The following AGPAT4 variants were observed in gnomAD, a reference collection of about 807,000 sequenced individuals.
The protein encoded by AGPAT4 is 1-acylglycerol-3-phosphate O-acyltransferase 4.
Under a neutral mutation model 48.0 loss-of-function variants are expected in AGPAT4, and 15 were observed. The observed-to-expected ratio is 0.31, with a 90% confidence interval of 0.21 to 0.48. The LOEUF (loss-of-function observed/expected upper bound fraction) is 0.48, where lower values mean the gene tolerates loss of function less well. Ranked by LOEUF, AGPAT4 falls within the 20% of genes least tolerant of loss-of-function variation. The pLI, the probability that AGPAT4 is intolerant of heterozygous loss-of-function variation, is 0.99. For synonymous variants in AGPAT4, 178 were observed against 198.7 expected, an observed-to-expected ratio of 0.90 and a Z score of 0.88; for missense variants, 314 against 482.5, an observed-to-expected ratio of 0.65 and a Z score of 3.27.
intron 4 of AGPAT4, 50 bp from the exon 5 acceptor site, chr6:161,153,549 C>T (rs1407302654): frequency 3.8e-6 from 6 of 1,595,178 alleles, no homozygotes; most frequent in Non-Finnish European, 5.1e-6. Context: ...TCACACACAG[C>T]CCTGGGGTCA....
In AGPAT4 at chr6:161,262,823, TAGG is replaced by T. The variant is rs1783140341; in HGVS notation, c.-90+11112_-90+11114del. 6.6e-6 allele frequency among the ~76,000 whole-genome samples: 1 copy of T among 152,052 alleles called. No individual in the cohort carries two copies. Among genetic ancestry groups the T allele is most frequent in the South Asian group, 2.1e-4 (1 of 4,820 alleles). On this transcript the variant is annotated intron_variant, in intron 1 of 8. Transcript: ENST00000320285. This position sits in a 1 kb window ranked among gnomAD's most constrained non-coding sequence, Gnocchi z 4.9. Reference sequence around the variant, plus strand: ...AGATAACTCCAGTGAAAAAAACCTCTAGGAGAACATGAGGATAACGTCATAAAC... The same window carrying T: ...AGATAACTCCAGTGAAAAAAACCTCTAGAACATGAGGATAACGTCATAAAC...
chr6:161,232,418 T>G lies in AGPAT4; in HGVS notation c.-89-116A>C. ...TGAGGTTAAACTCATGTGCGTTAGT[T>G]GATTTATCTTTATTTTGCAAACATT... On this transcript the variant is annotated intron_variant, in intron 1 of 8. Transcript: ENST00000320285. The surrounding 1 kb of genome is among the most constrained non-coding windows in gnomAD (Gnocchi z 6.8). The G allele has an allele frequency of 1.9e-6, 1 of 539,500 alleles. No individual in the cohort carries two copies. The highest frequency in any genetic ancestry group is 3.3e-6 in the Non-Finnish European group (1 of 304,196). 33.4% of individuals were successfully genotyped at this position (539,500 alleles called of 1,614,324 possible). A position where few individuals can be genotyped will look rare whatever the true frequency, so the allele number is the denominator to read the frequency against.
chr6:161,197,691 G>A lies in AGPAT4; in HGVS notation c.179-31274C>T, dbSNP rs1781108747. ...AGGAGCTCCTAGAAGGACTGGACAGGTGGAAGGGTGGGAGGCTAGAAGGAG... is the reference window on the plus strand; with the variant it reads ...AGGAGCTCCTAGAAGGACTGGACAGATGGAAGGGTGGGAGGCTAGAAGGAG... On this transcript the variant is annotated intron_variant, in intron 2 of 8. Coordinates refer to ENST00000320285, the MANE Select transcript of AGPAT4 (RefSeq NM_020133.3). The surrounding 1 kb of genome is among the most constrained non-coding windows in gnomAD (Gnocchi z 5.7). Among the ~76,000 whole-genome samples, 1 of 152,182 alleles carries A rather than the reference G, an allele frequency of 6.6e-6. No homozygotes were observed. Among genetic ancestry groups the A allele is most frequent in the Non-Finnish European group, 1.5e-5 (1 of 68,030 alleles).
rs1782527278 is a variant in AGPAT4, at chr6:161,242,721, GA to G, written c.-89-10420del. ...CAATATGATAAATCCAAACAGAAATGAAAAAAATTAATCTTCCAAACAGGGG... is the reference window on the plus strand; with the variant it reads ...CAATATGATAAATCCAAACAGAAATGAAAAAATTAATCTTCCAAACAGGGG... On this transcript the variant is annotated intron_variant, in intron 1 of 8. Transcript: ENST00000320285. The surrounding 1 kb of genome is among the most constrained non-coding windows in gnomAD (Gnocchi z 5.0). Among the ~76,000 whole-genome samples the G allele has an allele frequency of 2.0e-5, 3 of 152,018 alleles. No individual in the cohort carries two copies. The South Asian group carries it at 6.2e-4, about 32-fold the overall frequency.
chr6:161,229,765 G>A lies in AGPAT4; in HGVS notation c.178+2271C>T, dbSNP rs186510308. 6.1e-4 allele frequency among the ~76,000 whole-genome samples: 93 copies of A among 152,108 alleles called. No individual in the cohort carries two copies. Among genetic ancestry groups the A allele is most frequent in the East Asian group, 5.6e-3 (29 of 5,160 alleles). ...CTAGAGGGAGGAATCTTCCCTTCCC[G>A]CTTCGGATTGTTTAAAAATGCTTCC... On this transcript the variant is annotated intron_variant, in intron 2 of 8. Coordinates refer to ENST00000320285, the MANE Select transcript of AGPAT4 (RefSeq NM_020133.3). The surrounding 1 kb of genome is among the most constrained non-coding windows in gnomAD (Gnocchi z 6.0).
Position 161,208,210 on chromosome 6 carries a change from T to C in AGPAT4, c.178+23826A>G, listed in dbSNP as rs540553059. The stretch of plus-strand genomic sequence containing the variant: ...TATATATTTTACATTTCAGTCTCCT[T>C]TTTTATATGAACGTTAGCTACCAAG... On this transcript the variant is annotated intron_variant, in intron 2 of 8. Coordinates refer to ENST00000320285, the MANE Select transcript of AGPAT4 (RefSeq NM_020133.3). This position sits in a 1 kb window ranked among gnomAD's most constrained non-coding sequence, Gnocchi z 4.6. 2.0e-4 allele frequency among the ~76,000 whole-genome samples: 31 copies of C among 152,318 alleles called. No individual in the cohort carries two copies. The South Asian group carries it at 6.0e-3, about 30-fold the overall frequency.
At position 161,165,416 on chromosome 6, in the gene AGPAT4, G is replaced by A. The variant is rs1305683816; in HGVS notation, c.348+832C>T. Reference sequence around the variant, plus strand: ...AAACACCACGATTTTGTCTTCAGGGGCTACCAAAAAGCAAGGTGATTTCAG... The same window carrying A: ...AAACACCACGATTTTGTCTTCAGGGACTACCAAAAAGCAAGGTGATTTCAG... On this transcript the variant is annotated intron_variant, in intron 3 of 8. Transcript: ENST00000320285. This position sits in a 1 kb window ranked among gnomAD's most constrained non-coding sequence, Gnocchi z 5.5. Among the ~76,000 whole-genome samples the A allele has an allele frequency of 2.6e-5, 4 of 152,112 alleles. No homozygotes were observed. The highest frequency in any genetic ancestry group is 1.3e-4 in the Admixed American group (2 of 15,270).
rs997893732 is a variant in AGPAT4 at position 161,226,113 on chromosome 6, A to C, written c.178+5923T>G. On this transcript the variant is annotated intron_variant, in intron 2 of 8. Coordinates refer to ENST00000320285, the MANE Select transcript of AGPAT4 (RefSeq NM_020133.3). The surrounding 1 kb of genome is among the most constrained non-coding windows in gnomAD (Gnocchi z 6.3). ...TTTGGACCTTCAAAGAGGGGACCCA[A>C]ATTTGAGGCTGTGTCCTCCCAGCAG... Among the ~76,000 whole-genome samples, 10 of 152,122 alleles carry C rather than the reference A, an allele frequency of 6.6e-5. No homozygotes were observed. Among genetic ancestry groups the C allele is most frequent in the African/African-American group, 2.4e-4 (10 of 41,432 alleles).
At position 161,228,105 on chromosome 6, in the gene AGPAT4, C is replaced by G. The variant is rs570250387; in HGVS notation, c.178+3931G>C. Among the ~76,000 whole-genome samples the G allele has an allele frequency of 4.0e-3, 605 of 152,266 alleles. 4 individuals are homozygous for G. Among genetic ancestry groups the G allele is most frequent in the African/African-American group, 0.014 (582 of 41,538 alleles). On this transcript the variant is annotated intron_variant, in intron 2 of 8. Transcript: ENST00000320285. ...CTTCCTCCTCCCCTGGACACAAATTCCAATTTCAATCCTAAATTTGATGTG... is the reference window on the plus strand; with the variant it reads ...CTTCCTCCTCCCCTGGACACAAATTGCAATTTCAATCCTAAATTTGATGTG...
Position 161,184,263 on chromosome 6 carries a change from A to G in AGPAT4, c.179-17846T>C, listed in dbSNP as rs1264023566. Among the ~76,000 whole-genome samples the G allele has an allele frequency of 6.6e-6, 1 of 151,898 alleles. No individual in the cohort carries two copies. The highest frequency in any genetic ancestry group is 1.5e-5 in the Non-Finnish European group (1 of 67,966). The stretch of plus-strand genomic sequence containing the variant: ...GGCATAGTGGAAATGGTGAGAAATG[A>G]TCATATTTAGGATGATATATGCTAC... On this transcript the variant is annotated intron_variant, in intron 2 of 8. Transcript: ENST00000320285. The surrounding 1 kb of genome is among the most constrained non-coding windows in gnomAD (Gnocchi z 4.8).
At position 161,253,260 on chromosome 6, in the gene AGPAT4, AT is replaced by A. The variant is rs71004034; in HGVS notation, c.-90+20677del. ...ATATGATATGATCCAACTTTTTTTA[AT>A]TTTTTTTTTTTGAGACGGAGTCTTG... is the stretch of plus-strand genomic sequence containing the variant. On this transcript the variant is annotated intron_variant, in intron 1 of 8. Coordinates refer to ENST00000320285, the MANE Select transcript of AGPAT4 (RefSeq NM_020133.3). Among the ~76,000 whole-genome samples, 770 of 143,876 alleles carry A rather than the reference AT, an allele frequency of 5.4e-3. 5 individuals are homozygous for A. Among genetic ancestry groups the A allele is most frequent in the African/African-American group, 0.016 (622 of 38,954 alleles). 94.4% of individuals were successfully genotyped at this position (143,876 alleles called of 152,430 possible).
intron 2 of AGPAT4, among the ~76,000 whole-genome samples, chr6:161,185,725 G>A (rs886644625): frequency 3.3e-5 from 5 of 152,052 alleles, no homozygotes; most frequent in African/African-American, 7.2e-5. Context: ...TGATCATCAC[G>A]GCAGAGGCAT....
rs1173010558 is a variant in AGPAT4, at chr6:161,212,054, T to A, written c.178+19982A>T. 6.6e-6 allele frequency among the ~76,000 whole-genome samples: 1 copy of A among 152,216 alleles called. No individual in the cohort carries two copies. The highest frequency in any genetic ancestry group is 1.5e-5 in the Non-Finnish European group (1 of 68,036). ...TCATTAATGTTGAAGGGCACACTGA[T>A]GCAAGACTAGCATATGGGCCCCTGT... On this transcript the variant is annotated intron_variant, in intron 2 of 8. Transcript: ENST00000320285. This position sits in a 1 kb window ranked among gnomAD's most constrained non-coding sequence, Gnocchi z 6.1.
chr6:161,267,637 G>T lies in AGPAT4; in HGVS notation c.-90+6301C>A, dbSNP rs188839107. Among the ~76,000 whole-genome samples, 325 of 151,990 alleles carry T rather than the reference G, an allele frequency of 2.1e-3. 1 individual carries two copies. Among genetic ancestry groups the T allele is most frequent in the Admixed American group, 2.6e-3 (40 of 15,254 alleles). On this transcript the variant is annotated intron_variant, in intron 1 of 8. Coordinates refer to ENST00000320285, the MANE Select transcript of AGPAT4 (RefSeq NM_020133.3). The surrounding 1 kb of genome is among the most constrained non-coding windows in gnomAD (Gnocchi z 5.2). ...CTCAGGAGGCTGAGGCAGGAGAATC[G>T]CTTGAACCCAGGAGGCAGAGGTTGC...
At position 161,142,147 on chromosome 6, in the gene AGPAT4, C is replaced by T. The variant is rs888109028; in HGVS notation, c.844-2527G>A. On this transcript the variant is annotated intron_variant, in intron 7 of 8. Transcript: ENST00000320285. This position sits in a 1 kb window ranked among gnomAD's most constrained non-coding sequence, Gnocchi z 6.4. ...GGGATTACAGGCGTGAGCCATTGCG[C>T]CCAGCCCCATTCACTTTAAAGTTTT... 1.3e-5 allele frequency among the ~76,000 whole-genome samples: 2 copies of T among 152,236 alleles called. No individual in the cohort carries two copies. Among genetic ancestry groups the T allele is most frequent in the Non-Finnish European group, 2.9e-5 (2 of 68,042 alleles).
At position 161,226,391 on chromosome 6, in the gene AGPAT4, G is replaced by T. The variant is rs1781982541; in HGVS notation, c.178+5645C>A. 6.6e-6 allele frequency among the ~76,000 whole-genome samples: 1 copy of T among 152,230 alleles called. No individual in the cohort carries two copies. The highest frequency in any genetic ancestry group is 1.5e-5 in the Non-Finnish European group (1 of 68,040). ...GGCAGGGAGGAGAAGCATAGAGGAA[G>T]CCGGCTGCAGAGTTAGCAGAACAAA... On this transcript the variant is annotated intron_variant, in intron 2 of 8. Coordinates refer to ENST00000320285, the MANE Select transcript of AGPAT4 (RefSeq NM_020133.3). This position sits in a 1 kb window ranked among gnomAD's most constrained non-coding sequence, Gnocchi z 6.3.
At chr6:161,152,217 G>C (rs879836890) in intron 5 of AGPAT4, among the ~76,000 whole-genome samples, 2 of 152,200 alleles carry the variant, frequency 1.3e-5, no homozygotes, top group Admixed American at 6.5e-5. Flanking sequence ...CAGGAGAAGA[G>C]GGATGAGGAA....
rs35665635 is a variant in AGPAT4, at chr6:161,137,646, GA to G, written c.1043-1013del. On this transcript the variant is annotated intron_variant, in intron 8 of 8. Transcript: ENST00000320285. This position sits in a 1 kb window ranked among gnomAD's most constrained non-coding sequence, Gnocchi z 6.1. ...CGTGTGGCCTTGGAAGAGGAGTAAA[GA>G]ACACAAACACAAAGTCCTTCAGGGA... 0.16 allele frequency among the ~76,000 whole-genome samples: 24,557 copies of G among 152,104 alleles called. 3,420 individuals are homozygous for G. Among genetic ancestry groups the G allele is most frequent in the African/African-American group, 0.38 (15,689 of 41,418 alleles).
chr6:161,235,091 G>T lies in AGPAT4; in HGVS notation c.-89-2789C>A, dbSNP rs12215513. 0.1 allele frequency among the ~76,000 whole-genome samples: 15,949 copies of T among 151,968 alleles called. 1,099 individuals carry two copies. Among genetic ancestry groups the T allele is most frequent in the Non-Finnish European group, 0.16 (10,757 of 67,966 alleles). ...TCCTCAAGGCCCATTTCCTAGCCTG[G>T]TGTGGGGTGGTTGCATGTGGGCTTG... On this transcript the variant is annotated intron_variant, in intron 1 of 8. Coordinates refer to ENST00000320285, the MANE Select transcript of AGPAT4 (RefSeq NM_020133.3). This position sits in a 1 kb window ranked among gnomAD's most constrained non-coding sequence, Gnocchi z 6.2.
Sources: allele counts gnomAD v4.1 joint callset (sites outside exome capture counted in the v4.1 genomes callset), GRCh38; gene constraint gnomAD v4.1.1; non-coding constraint Gnocchi (gnomAD v3.1); transcripts MANE v1.5; gene names NCBI Gene and HGNC (gene_info 2026-07-23, HGNC 2026-07-21).